UGT1A8: variants seen among roughly 807,000 people sequenced by gnomAD.
UGT1A8 encodes the protein UDP-glucuronosyltransferase 1A8.
In UGT1A8, 39 loss-of-function variants were observed where a neutral mutation model predicts 45.3. The observed-to-expected ratio is 0.86, with a 90% CI of 0.67 to 1.12. The LOEUF is 1.12. UGT1A8 is among the 50% of genes most tolerant of loss of function. UGT1A8 has a pLI of 0.00. For synonymous variants in UGT1A8, 275 were observed against 249.2 expected (o/e 1.10, Z -0.97); for missense variants, 719 against 664.9 (o/e 1.08, Z -0.90).
intron 1 of UGT1A8, among the ~76,000 whole-genome samples, chr2:233,649,542 A>T (rs750259834): frequency 6.6e-6 from 1 of 152,196 alleles, no homozygotes; most frequent in Non-Finnish European, 1.5e-5. Context: ...TGAAAATCAA[A>T]TCAACTATCA....
chr2:233,719,762 C>T, intron 1 of UGT1A8: 1 of 1,612,248 alleles, frequency 6.2e-7, no homozygotes, highest in Non-Finnish European at 8.5e-7. Context: ...CTTACAAGTG[C>T]TTCCATATCT....
At chr2:233,710,606 T>C (rs2076139270) in intron 1 of UGT1A8, among the ~76,000 whole-genome samples, 1 of 152,202 alleles carries the variant, frequency 6.6e-6, no homozygotes, top group African/African-American at 2.4e-5. Flanking sequence ...ATTGGTTTGT[T>C]TGTCTTCTTA....
Position 233,713,802 on chromosome 2 carries a change from C to G in UGT1A8, c.856-53232C>G, listed in dbSNP as rs746544410. The G allele has an allele frequency of 1.9e-5, 30 of 1,613,976 alleles. No individual in the cohort carries two copies. In the Middle Eastern group the frequency reaches 1.2e-3, roughly 62 times the overall value. On this transcript the variant is annotated intron_variant, in intron 1 of 4. Transcript: ENST00000373450. ...GATGGATTACCCCAGGCCGATCATG[C>G]CCAACATGGTCTTCATTGGGGGCAT...
chr2:233,654,583 A>T (rs964968851), intron 1 of UGT1A8, among the ~76,000 whole-genome samples: 1 of 152,228 alleles, frequency 6.6e-6, no homozygotes, highest in African/African-American at 2.4e-5. Flanking sequence ...ATGAAAAGCT[A>T]GAAAGTGAAA....
At chr2:233,726,128 C>T (rs2077506214) in intron 1 of UGT1A8, among the ~76,000 whole-genome samples, 1 of 152,282 alleles carries the variant, frequency 6.6e-6, no homozygotes, top group African/African-American at 2.4e-5. Flanking sequence ...TTCACACCAC[C>T]TCACTCCAGC....
intron 1 of UGT1A8, chr2:233,743,840 A>C: frequency 7.3e-7 from 1 of 1,367,236 alleles, no homozygotes; most frequent in Non-Finnish European, 9.8e-7. Flanking sequence ...CTTGAGCGCC[A>C]GCTTGCGGTA....
At chr2:233,648,018 G>A in intron 1 of UGT1A8, 1 of 1,602,236 alleles carries the variant, frequency 6.2e-7, no homozygotes, top group Non-Finnish European at 8.5e-7. Context: ...TCAGGCCAGA[G>A]GTGAGTTGGC....
chr2:233,728,977 G>T, intron 1 of UGT1A8: 2 of 1,494,572 alleles, frequency 1.3e-6, no homozygotes, highest in African/African-American at 2.8e-5. Context: ...ATAGATTAAT[G>T]GTTAATAATT....
chr2:233,729,958 G>A (rs2077960397), intron 1 of UGT1A8: 6 of 1,613,978 alleles, frequency 3.7e-6, no homozygotes, highest in Non-Finnish European at 5.1e-6. Context: ...CTTCATTGGG[G>A]GCATCAACTG....
chr2:233,672,615 C>A, intron 1 of UGT1A8: 1 of 1,613,744 alleles, frequency 6.2e-7, no homozygotes, highest in Non-Finnish European at 8.5e-7. Context: ...TCAAAAATGC[C>A]CTAGAAATAG....
chr2:233,726,550 A>C (rs1388037540), intron 1 of UGT1A8, among the ~76,000 whole-genome samples: 1 of 152,162 alleles, frequency 6.6e-6, no homozygotes, highest in Non-Finnish European at 1.5e-5. Context: ...CAGCGTCTTC[A>C]AGTCTCCCAC....
chr2:233,710,442 T>C (rs1002737247), intron 1 of UGT1A8, among the ~76,000 whole-genome samples: 4 of 152,256 alleles, frequency 2.6e-5, no homozygotes, highest in African/African-American at 7.2e-5. Flanking sequence ...TTTAGTCTTT[T>C]ACATTTTAGC....
At chr2:233,624,327 G>C (rs1173086096) in intron 1 of UGT1A8, among the ~76,000 whole-genome samples, 1 of 152,094 alleles carries the variant, frequency 6.6e-6, no homozygotes, top group African/African-American at 2.4e-5. Context: ...GTCCTGGTCA[G>C]GTGTCCTGTA....
chr2:233,663,955 C>T (rs2074026189), intron 1 of UGT1A8, among the ~76,000 whole-genome samples: 1 of 152,158 alleles, frequency 6.6e-6, no homozygotes, highest in South Asian at 2.1e-4. Flanking sequence ...TTTGTCCTTG[C>T]ATCTAAGTGT....
chr2:233,746,671 G>C (rs1345040800), intron 1 of UGT1A8, among the ~76,000 whole-genome samples: 1 of 151,792 alleles, frequency 6.6e-6, no homozygotes, highest in East Asian at 1.9e-4. Flanking sequence ...TCCTAGCATA[G>C]TAGGTAGGGC....
At chr2:233,723,922 G>A (rs1482507868) in intron 1 of UGT1A8, among the ~76,000 whole-genome samples, 1 of 49,060 alleles carries the variant, frequency 2.0e-5, no homozygotes, top group Non-Finnish European at 3.5e-5. Flanking sequence ...AGTCTCCCAT[G>A]TCTACTTCTT....
At chr2:233,632,932 A>G (rs2073218206) in intron 1 of UGT1A8, among the ~76,000 whole-genome samples, 1 of 152,228 alleles carries the variant, frequency 6.6e-6, no homozygotes, top group African/African-American at 2.4e-5. Flanking sequence ...GAATGCTTCC[A>G]GCTTTTGCCC....
Position 233,754,476 on chromosome 2 carries a change from C to A in UGT1A8, c.856-12558C>A, listed in dbSNP as rs561719885. 3.5e-4 allele frequency: 124 copies of A among 357,228 alleles called. 1 individual carries two copies. Among genetic ancestry groups the A allele is most frequent in the Admixed American group, 6.4e-4 (17 of 26,454 alleles). The allele number at this position is 357,228 out of a possible 1,614,324, so 22.1% of individuals were successfully genotyped here. A position where few individuals can be genotyped will look rare whatever the true frequency, so the allele number is the denominator to read the frequency against. ...GTACAGCTGTTCTGAAAGTAAAGTT[C>A]ACTTTCAATCCTAAAAAAAGTCCGC... On this transcript the variant is annotated intron_variant, in intron 1 of 4. Coordinates refer to ENST00000373450, the MANE Select transcript of UGT1A8 (RefSeq NM_019076.5).
chr2:233,761,556 C>T (rs1005029875), intron 1 of UGT1A8, among the ~76,000 whole-genome samples: 3 of 152,166 alleles, frequency 2.0e-5, no homozygotes, highest in African/African-American at 7.2e-5. Flanking sequence ...GATGATAGAT[C>T]CTGGAAATGA....
Sources: allele counts gnomAD v4.1 joint callset (sites outside exome capture counted in the v4.1 genomes callset), GRCh38; gene constraint gnomAD v4.1.1; transcripts MANE v1.5; gene names NCBI Gene and HGNC (gene_info 2026-07-23, HGNC 2026-07-21).